The following ELMOD2 variants were observed in gnomAD, a reference collection of about 807,000 sequenced individuals.
ELMOD2 encodes the protein ELMO domain containing 2.
Under a neutral mutation model 41.0 loss-of-function variants are expected in ELMOD2, and 28 were observed. That is an observed-to-expected ratio of 0.68 (90% CI 0.51 to 0.94). ELMOD2 has a LOEUF of 0.94. Among genes scored for constraint, ELMOD2 ranks in the 40% least tolerant of loss-of-function variants. ELMOD2 has a pLI of 0.00. For synonymous variants in ELMOD2, 106 were observed against 107.2 expected (o/e 0.99, Z 0.07); for missense variants, 333 against 343.1 (o/e 0.97, Z 0.23).
chr4:140,526,201 A>G (rs528787550), intron 2 of ELMOD2, among the ~76,000 whole-genome samples: 3 of 152,352 alleles, frequency 2.0e-5, no homozygotes, highest in African/African-American at 7.2e-5. Flanking sequence ...TTGAAATGGT[A>G]ATATTTTGGA....
rs796131869 is a variant in ELMOD2, at chr4:140,543,606, A to G, written c.736+20A>G. 10 of 1,550,738 alleles carry G rather than the reference A, an allele frequency of 6.4e-6. No homozygotes were observed. The highest frequency in any genetic ancestry group is 5.6e-5 in the African/African-American group (4 of 71,960). On this transcript the variant is annotated intron_variant, in intron 8 of 8. Transcript: ENST00000323570. The stretch of plus-strand genomic sequence containing the variant: ...TTTACTGTGAGTATTAAAATGAGTT[A>G]AAACTAGATCTTTCTAAGATAATTC...
chr4:140,531,545 G>A (rs1335324809), intron 3 of ELMOD2, among the ~76,000 whole-genome samples: 1 of 152,192 alleles, frequency 6.6e-6, no homozygotes, highest in Non-Finnish European at 1.5e-5. Context: ...GGTGTTTTTG[G>A]TGGCTGTCTT....
intron 3 of ELMOD2, among the ~76,000 whole-genome samples, chr4:140,534,823 CTG>C (rs1734861658): frequency 1.3e-5 from 2 of 152,254 alleles, no homozygotes; most frequent in Non-Finnish European, 2.9e-5. Flanking sequence ...TGAAGTATGA[CTG>C]TGAAAGGAAG....
intron 1 of ELMOD2, chr4:140,524,652 T>G (rs1734496683): frequency 1.0e-6 from 1 of 985,334 alleles, no homozygotes; most frequent in Non-Finnish European, 1.2e-6. Context: ...CCTCAGGCCC[T>G]AGTCCAGAGG....
intron 5 of ELMOD2, 66 bp downstream of exon 5, chr4:140,537,607 G>A (rs1427632011): frequency 1.3e-6 from 2 of 1,565,020 alleles, no homozygotes; most frequent in Admixed American, 1.9e-5. Flanking sequence ...CTTCAGCTAA[G>A]TAAAGTCTGC....
intron 5 of ELMOD2, 88 bp downstream of exon 5, chr4:140,537,629 G>A: frequency 2.0e-6 from 3 of 1,484,296 alleles, no homozygotes; most frequent in South Asian, 2.6e-5. Flanking sequence ...AATTCTAGAG[G>A]CTTATATGGC....
At chr4:140,541,886 C>T (rs1253308724) in intron 6 of ELMOD2, among the ~76,000 whole-genome samples, 3 of 151,898 alleles carry the variant, frequency 2.0e-5, no homozygotes, top group African/African-American at 7.2e-5. Context: ...TGATTTTGTC[C>T]TCTAAAATGT....
chr4:140,534,417 A>C (rs986816427), intron 3 of ELMOD2, among the ~76,000 whole-genome samples: 1 of 152,158 alleles, frequency 6.6e-6, no homozygotes, highest in African/African-American at 2.4e-5. Context: ...AAGGGGCATA[A>C]ACGAACTTTC....
rs1274525425 is a variant in ELMOD2, at chr4:140,551,497, G to T, written c.*1122G>T. ...TTTTATTCTCCTAAAATCTCAGGAG[G>T]GCAGCAAGTGCTGTCAACGATTATA... is the stretch of plus-strand genomic sequence containing the variant. On this transcript the variant is annotated 3_prime_UTR_variant, in exon 9 of 9. Coordinates refer to ENST00000323570, the MANE Select transcript of ELMOD2 (RefSeq NM_153702.4). 1 of 151,968 alleles carries T rather than the reference G, an allele frequency of 6.6e-6. No individual in the cohort carries two copies. The highest frequency in any genetic ancestry group is 2.1e-4 in the South Asian group (1 of 4,824). The allele number at this position is 151,968 out of a possible 1,614,324, so 9.4% of individuals were successfully genotyped here.
chr4:140,540,149 T>C lies in ELMOD2; in HGVS notation c.400-19T>C, dbSNP rs1464858071. 6.2e-7 allele frequency: 1 copy of C among 1,607,820 alleles called. No homozygotes were observed. The highest frequency in any genetic ancestry group is 1.7e-5 in the Admixed American group (1 of 58,458). On this transcript the variant is annotated intron_variant, in intron 5 of 8. Transcript: ENST00000323570. ...TATGAGAAAGAAAATGTCTTAATAA[T>C]GGAAATATATTTGTACAGCTTTGGA... is the stretch of plus-strand genomic sequence containing the variant.
chr4:140,527,413 T>G (rs1734602031), intron 2 of ELMOD2, 53 bp from the exon 3 acceptor site: 6 of 1,407,994 alleles, frequency 4.3e-6, no homozygotes, highest in Non-Finnish European at 5.9e-6. Flanking sequence ...TATAGGGTAA[T>G]TGACAAACAG....
intron 3 of ELMOD2, chr4:140,535,501 T>C: frequency 2.5e-6 from 1 of 393,168 alleles, no homozygotes; most frequent in Non-Finnish European, 4.5e-6. Context: ...ACCTGTTGAC[T>C]CAGTTGAGGA....
chr4:140,552,491 G>A lies in ELMOD2; in HGVS notation c.*2116G>A, dbSNP rs1434052068. 6.6e-6 allele frequency: 1 copy of A among 152,016 alleles called. No homozygotes were observed. The highest frequency in any genetic ancestry group is 2.4e-5 in the African/African-American group (1 of 41,428). 9.4% of individuals were successfully genotyped at this position (152,016 alleles called of 1,614,324 possible). A position where few individuals can be genotyped will look rare whatever the true frequency, so the allele number is the denominator to read the frequency against. ...TAAATTCTAGGGTTTGAGTCTAGAA[G>A]CCAAGCAAACTGTCACCAATGTCAG... On this transcript the variant is annotated 3_prime_UTR_variant, in exon 9 of 9. Coordinates refer to ENST00000323570, the MANE Select transcript of ELMOD2 (RefSeq NM_153702.4).
chr4:140,552,408 A>G lies in ELMOD2; in HGVS notation c.*2033A>G, dbSNP rs921746063. ...TATAGGTATCATTCTGTTTTTGCTT[A>G]AAATAATCTGCAACCATTTCAGATA... On this transcript the variant is annotated 3_prime_UTR_variant, in exon 9 of 9. Transcript: ENST00000323570. 3 of 152,030 alleles carry G rather than the reference A, an allele frequency of 2.0e-5. No individual in the cohort carries two copies. Among genetic ancestry groups the G allele is most frequent in the African/African-American group, 7.2e-5 (3 of 41,444 alleles). 9.4% of individuals were successfully genotyped at this position (152,030 alleles called of 1,614,324 possible). A position where few individuals can be genotyped will look rare whatever the true frequency, so the allele number is the denominator to read the frequency against.
At chr4:140,546,970 A>G (rs1464927274) in intron 8 of ELMOD2, among the ~76,000 whole-genome samples, 3 of 152,214 alleles carry the variant, frequency 2.0e-5, no homozygotes, top group African/African-American at 7.2e-5. Flanking sequence ...GCACATATGC[A>G]TATACCTATG....
intron 6 of ELMOD2, among the ~76,000 whole-genome samples, chr4:140,542,000 T>C (rs920076251): frequency 6.6e-6 from 1 of 152,076 alleles, no homozygotes; most frequent in Non-Finnish European, 1.5e-5. Flanking sequence ...ATAGATTTGG[T>C]GTAGGCCAAA....
intron 8 of ELMOD2, among the ~76,000 whole-genome samples, chr4:140,548,114 G>C (rs143285588): frequency 6.6e-6 from 1 of 152,220 alleles, no homozygotes; most frequent in Non-Finnish European, 1.5e-5. Flanking sequence ...GCTTTAACTT[G>C]AGCAGTTTGT....
At chr4:140,545,194 T>TA (rs1307242107) in intron 8 of ELMOD2, among the ~76,000 whole-genome samples, 1 of 152,194 alleles carries the variant, frequency 6.6e-6, no homozygotes, top group Non-Finnish European at 1.5e-5. Context: ...TTGATCCTTT[T>TA]AGTGGCACTG....
At chr4:140,530,084 C>CT (rs1203502592) in intron 3 of ELMOD2, among the ~76,000 whole-genome samples, 2 of 152,062 alleles carry the variant, frequency 1.3e-5, no homozygotes, top group African/African-American at 2.4e-5. Flanking sequence ...TGAAAATTAA[C>CT]TTTTTTCAGA....
Sources: allele counts gnomAD v4.1 joint callset (sites outside exome capture counted in the v4.1 genomes callset), GRCh38; gene constraint gnomAD v4.1.1; transcripts MANE v1.5; gene names NCBI Gene and HGNC (gene_info 2026-07-23, HGNC 2026-07-21).